The following ACOT4 variants were observed in gnomAD, a reference collection of about 807,000 sequenced individuals.
The protein encoded by ACOT4 is acyl-CoA thioesterase 4.
In ACOT4, 18 loss-of-function variants were observed where a neutral mutation model predicts 17.1. The observed-to-expected ratio is 1.05, with a 90% CI of 0.73 to 1.56. The LOEUF is 1.56. Among genes scored for constraint, ACOT4 ranks in the 40% most tolerant of loss-of-function variants. ACOT4 has a pLI of 0.00. For synonymous variants in ACOT4, 234 were observed against 236.6 expected (o/e 0.99, Z 0.10); for missense variants, 574 against 557.2 (o/e 1.03, Z -0.30).
At chr14:73,594,050 A>C (rs1890203656) in intron 2 of ACOT4, 146 bp downstream of exon 2, 2 of 566,388 alleles carry the variant, frequency 3.5e-6, no homozygotes, top group Non-Finnish European at 5.8e-6. Flanking sequence ...TGCTATTTCC[A>C]CTTTTTCTGT....
chr14:73,592,199 G>A lies in ACOT4; in HGVS notation c.240G>A (p.Leu80=), dbSNP rs142744522. 6.2e-7 allele frequency: 1 copy of A among 1,612,078 alleles called. No homozygotes were observed. The highest frequency in any genetic ancestry group is 8.5e-7 in the Non-Finnish European group (1 of 1,179,082). ...GSFAGLEPMG[L]LWALEPEKPF... is the part of the protein sequence containing the mutation. ...TCGCGGGACTCGAGCCCATGGGGCT[G>A]CTCTGGGCCCTGGAACCCGAGAAGC... Residue 80 remains leucine, a synonymous_variant, in exon 1 of 3, where the codon CTG becomes CTA. Transcript: ENST00000326303.
At position 73,595,631 on chromosome 14, in the gene ACOT4, A is replaced by C; in HGVS notation, c.1243A>C (p.Lys415Gln). ...CTGCAAACACCTGGGAGGTACCCAG[A>C]AAACAGCTGTCCCTAAATTGTAATG... ...FFCKHLGGTQ[K>Q]TAVPKL The change falls in exon 3 of 3, where the codon AAA becomes CAA. Residue 415 changes from lysine to glutamine, a missense_variant. Physicochemically the swap from Lys to Gln is moderately conservative, Grantham distance 53. Transcript: ENST00000326303. The C allele has an allele frequency of 6.6e-7, 1 of 1,526,044 alleles. No individual in the cohort carries two copies. The highest frequency in any genetic ancestry group is 8.8e-7 in the Non-Finnish European group (1 of 1,137,950). 94.5% of individuals were successfully genotyped at this position (1,526,044 alleles called of 1,614,324 possible).
intron 1 of ACOT4, among the ~76,000 whole-genome samples, chr14:73,593,426 C>T (rs947081227): frequency 7.0e-6 from 1 of 143,460 alleles, no homozygotes; most frequent in African/African-American, 2.6e-5. Flanking sequence ...GCAGCCTTGA[C>T]CTCTGGGGCT....
In ACOT4 at chr14:73,595,043, T is replaced by C; in HGVS notation, c.661-6T>C. On this transcript the variant is annotated splice_region_variant and splice_polypyrimidine_tract_variant and intron_variant, in intron 2 of 2. Coordinates refer to ENST00000326303, the MANE Select transcript of ACOT4 (RefSeq NM_152331.4). ...GACTCAACTCTCCTCTCTTCTTTTC[T>C]TCCAGGTAAAAGGCCCAGGCATTGG... is the stretch of plus-strand genomic sequence containing the variant. 1 of 1,612,458 alleles carries C rather than the reference T, an allele frequency of 6.2e-7. No individual in the cohort carries two copies. The highest frequency in any genetic ancestry group is 8.5e-7 in the Non-Finnish European group (1 of 1,179,542).
chr14:73,591,911 T>G lies in ACOT4; in HGVS notation c.-49T>G. 3.7e-6 allele frequency: 5 copies of G among 1,343,802 alleles called. No homozygotes were observed. Among genetic ancestry groups the G allele is most frequent in the Non-Finnish European group, 4.8e-6 (5 of 1,045,388 alleles). 83.2% of individuals were successfully genotyped at this position (1,343,802 alleles called of 1,614,324 possible). On this transcript the variant is annotated 5_prime_UTR_variant, in exon 1 of 3. Coordinates refer to ENST00000326303, the MANE Select transcript of ACOT4 (RefSeq NM_152331.4). Reference sequence around the variant, plus strand: ...ACATTCGGCGCGCTTGCCACGATCTTGGACGGGTCTCGGGCCTCGACCTTT... The same window carrying G: ...ACATTCGGCGCGCTTGCCACGATCTGGGACGGGTCTCGGGCCTCGACCTTT...
chr14:73,592,602 C>T (rs1328936030), intron 1 of ACOT4, among the ~76,000 whole-genome samples, 186 bp downstream of exon 1: 2 of 152,200 alleles, frequency 1.3e-5, no homozygotes, highest in African/African-American at 4.8e-5. Context: ...CCTGTAATCC[C>T]AGCACTTTGG....
In ACOT4 at chr14:73,595,364, G is replaced by A. The variant is rs765350946; in HGVS notation, c.976G>A (p.Asp326Asn). The A allele has an allele frequency of 6.2e-7, 1 of 1,614,226 alleles. No individual in the cohort carries two copies. The highest frequency in any genetic ancestry group is 1.1e-5 in the South Asian group (1 of 91,068). The change falls in exon 3 of 3, where the codon GAC (aspartate) becomes AAC (asparagine). Residue 326 changes from aspartate (D) to asparagine (N), a missense_variant. By Grantham distance (23) the Asp-to-Asn change is conservative. Coordinates refer to ENST00000326303, the MANE Select transcript of ACOT4 (RefSeq NM_152331.4). ...GPILLIVGQD[D>N]HNWRSELYAQ... ...CATCCTGCTCATTGTTGGTCAGGAT[G>A]ACCATAACTGGAGAAGTGAGTTGTA...
In ACOT4 at chr14:73,592,561, G is replaced by C. The variant is rs887285366; in HGVS notation, c.457+145G>C. Reference sequence around the variant, plus strand: ...TGTCAGTGGCCACTCTACCAAAATAGAGGGTTTGGTACCGGGCGTGGTGAC... The same window carrying C: ...TGTCAGTGGCCACTCTACCAAAATACAGGGTTTGGTACCGGGCGTGGTGAC... On this transcript the variant is annotated intron_variant, in intron 1 of 2. Coordinates refer to ENST00000326303, the MANE Select transcript of ACOT4 (RefSeq NM_152331.4). 20 of 1,067,702 alleles carry C rather than the reference G, an allele frequency of 1.9e-5. No homozygotes were observed. In the African/African-American group the frequency reaches 2.8e-4, roughly 15 times the overall value. The allele number at this position is 1,067,702 out of a possible 1,614,324, so 66.1% of individuals were successfully genotyped here.
In ACOT4 at chr14:73,592,076, C is replaced by T; in HGVS notation, c.117C>T (p.Arg39=). The change falls in exon 1 of 3, where the codon CGC becomes CGT. Residue 39 remains arginine (R), a synonymous_variant. Coordinates refer to ENST00000326303, the MANE Select transcript of ACOT4 (RefSeq NM_152331.4). ...GGGTTACGCTGCGCGCGTCCCTGCG[C>T]GACGAGAAGGGCGCGCTCTTCCGGG... ...EQRVTLRASL[R]DEKGALFRAH... is the part of the protein sequence containing the mutation. 6.7e-7 allele frequency: 1 copy of T among 1,485,258 alleles called. No individual in the cohort carries two copies. Among genetic ancestry groups the T allele is most frequent in the Non-Finnish European group, 8.9e-7 (1 of 1,119,462 alleles). 92.0% of individuals were successfully genotyped at this position (1,485,258 alleles called of 1,614,324 possible). A position where few individuals can be genotyped will look rare whatever the true frequency, so the allele number is the denominator to read the frequency against.
chr14:73,595,018 G>T, intron 2 of ACOT4, 31 bp from the exon 3 acceptor site: 1 of 1,608,232 alleles, frequency 6.2e-7, no homozygotes, highest in South Asian at 1.1e-5. Context: ...ATAAGTTATT[G>T]ACTCAACTCT....
chr14:73,595,628 C>G lies in ACOT4; in HGVS notation c.1240C>G (p.Gln414Glu). 1 of 1,527,316 alleles carries G rather than the reference C, an allele frequency of 6.5e-7. No individual in the cohort carries two copies. Among genetic ancestry groups the G allele is most frequent in the Non-Finnish European group, 8.8e-7 (1 of 1,138,496 alleles). The allele number at this position is 1,527,316 out of a possible 1,614,324, so 94.6% of individuals were successfully genotyped here. Residue 414 changes from glutamine (Q) to glutamate (E), a missense_variant, in exon 3 of 3, where the codon CAG (glutamine) becomes GAG (glutamate). Gln to Glu is a conservative substitution (Grantham distance 29). Coordinates refer to ENST00000326303, the MANE Select transcript of ACOT4 (RefSeq NM_152331.4). Reference sequence around the variant, plus strand: ...CTTCTGCAAACACCTGGGAGGTACCCAGAAAACAGCTGTCCCTAAATTGTA... The same window carrying G: ...CTTCTGCAAACACCTGGGAGGTACCGAGAAAACAGCTGTCCCTAAATTGTA... ...AFFCKHLGGT[Q>E]KTAVPKL
chr14:73,591,927 C>T lies in ACOT4; in HGVS notation c.-33C>T. 2 of 1,358,036 alleles carry T rather than the reference C, an allele frequency of 1.5e-6. No homozygotes were observed. Among genetic ancestry groups the T allele is most frequent in the Non-Finnish European group, 9.5e-7 (1 of 1,053,804 alleles). The allele number at this position is 1,358,036 out of a possible 1,614,324, so 84.1% of individuals were successfully genotyped here. On this transcript the variant is annotated 5_prime_UTR_variant, in exon 1 of 3. Transcript: ENST00000326303. ...CCACGATCTTGGACGGGTCTCGGGC[C>T]TCGACCTTTGAATTCCCCGCTCCGG...
In ACOT4 at chr14:73,592,325, G is replaced by C. The variant is rs1293643053; in HGVS notation, c.366G>C (p.Gln122His). The C allele has an allele frequency of 3.1e-6, 5 of 1,607,850 alleles. No homozygotes were observed. Among genetic ancestry groups the C allele is most frequent in the Non-Finnish European group, 4.2e-6 (5 of 1,177,472 alleles). The change falls in exon 1 of 3, where the codon CAG becomes CAC. Residue 122 changes from glutamine to histidine, a missense_variant. Transcript: ENST00000326303. ...CCGAGCCTGGACGGCTGCTGTGCCA[G>C]GCGCAGCACGAGCGCCACTTCCTCC... ...HDPEPGRLLC[Q>H]AQHERHFLPP...
At position 73,591,994 on chromosome 14, in the gene ACOT4, G is replaced by A. The variant is rs766494088; in HGVS notation, c.35G>A (p.Arg12His). 5 of 1,418,826 alleles carry A rather than the reference G, an allele frequency of 3.5e-6. No homozygotes were observed. The African/African-American group carries it at 6.1e-5, about 17-fold the overall frequency. The allele number at this position is 1,418,826 out of a possible 1,614,324, so 87.9% of individuals were successfully genotyped here. Reference sequence around the variant, plus strand: ...ACGCTGATCCTGGAGCCCCCAGGCCGCTGCTGCTGGAACGAGCCGGTGCGC... The same window carrying A: ...ACGCTGATCCTGGAGCCCCCAGGCCACTGCTGCTGGAACGAGCCGGTGCGC... ...SATLILEPPG[R>H]CCWNEPVRIA... Residue 12 changes from arginine to histidine, a missense_variant, in exon 1 of 3, where the codon CGC becomes CAC. Transcript: ENST00000326303.
chr14:73,593,618 C>T, intron 1 of ACOT4, 84 bp from the exon 2 acceptor site: 29 of 1,347,672 alleles, frequency 2.2e-5, no homozygotes, highest in Non-Finnish European at 2.8e-5. Flanking sequence ...GCTGAGATTA[C>T]AAGCATGAAC....
Position 73,593,853 on chromosome 14 carries a change from A to G in ACOT4, c.609A>G (p.Ile203Met). The G allele has an allele frequency of 6.2e-7, 1 of 1,614,050 alleles. No individual in the cohort carries two copies. The highest frequency in any genetic ancestry group is 2.2e-5 in the East Asian group (1 of 44,886). ...ATCTCCCCAATAACATGGACAACAT[A>G]TCCCTGGAGTACTTCGAAGAAGCCG... ...FEDLPNNMDN[I>M]SLEYFEEAVC... is the part of the protein sequence containing the mutation. The change falls in exon 2 of 3, where the codon ATA (isoleucine) becomes ATG (methionine). Residue 203 changes from isoleucine (I) to methionine (M), a missense_variant. Ile to Met is a conservative substitution (Grantham distance 10). Transcript: ENST00000326303.
chr14:73,595,749 C>A lies in ACOT4; in HGVS notation c.*95C>A, dbSNP rs1004195349. On this transcript the variant is annotated 3_prime_UTR_variant, in exon 3 of 3. Coordinates refer to ENST00000326303, the MANE Select transcript of ACOT4 (RefSeq NM_152331.4). ...AGATGTCTCCTGGATAACATTAAAG[C>A]CATGTCTTTGTCATTAATGGTGTAT... 6.6e-6 allele frequency: 9 copies of A among 1,367,710 alleles called. No individual in the cohort carries two copies. Among genetic ancestry groups the A allele is most frequent in the Non-Finnish European group, 8.7e-6 (9 of 1,031,558 alleles). The allele number at this position is 1,367,710 out of a possible 1,614,324, so 84.7% of individuals were successfully genotyped here. A position where few individuals can be genotyped will look rare whatever the true frequency, so the allele number is the denominator to read the frequency against.
Position 73,595,698 on chromosome 14 carries a change from T to C in ACOT4, c.*44T>C. 6.6e-7 allele frequency: 1 copy of C among 1,504,500 alleles called. No homozygotes were observed. Among genetic ancestry groups the C allele is most frequent in the Non-Finnish European group, 8.9e-7 (1 of 1,126,596 alleles). 93.2% of individuals were successfully genotyped at this position (1,504,500 alleles called of 1,614,324 possible). On this transcript the variant is annotated 3_prime_UTR_variant, in exon 3 of 3. Coordinates refer to ENST00000326303, the MANE Select transcript of ACOT4 (RefSeq NM_152331.4). ...ACATGAGAGATTCAAGATCAGATTCTAGTGTTCAGTAACCCTATGTGAATC... is the reference window on the plus strand; with the variant it reads ...ACATGAGAGATTCAAGATCAGATTCCAGTGTTCAGTAACCCTATGTGAATC...
chr14:73,592,246 G>A lies in ACOT4; in HGVS notation c.287G>A (p.Arg96Gln). 1 of 1,613,300 alleles carries A rather than the reference G, an allele frequency of 6.2e-7. No individual in the cohort carries two copies. Among genetic ancestry groups the A allele is most frequent in the Non-Finnish European group, 8.5e-7 (1 of 1,179,540 alleles). Residue 96 changes from arginine to glutamine, a missense_variant, in exon 1 of 3, where the codon CGG becomes CAG. Transcript: ENST00000326303. ...AAGCCTTTTTGGCGCTTCCTGAAGC[G>A]GGACGTACAGATTCCTTTTGTCGTG... ...PEKPFWRFLKRDVQIPFVVEL... is the reference protein window; with the variant it reads ...PEKPFWRFLKQDVQIPFVVEL...
Sources: gnomAD v4.1 joint callset for allele counts (sites outside exome capture counted in the v4.1 genomes callset) on GRCh38, gnomAD v4.1.1 for gene constraint, MANE v1.5 for transcripts, NCBI Gene and HGNC (gene_info 2026-07-23, HGNC 2026-07-21) for gene names.